DIP2C: variants seen among roughly 807,000 people sequenced by gnomAD.
DIP2C encodes DIP2 acetate--CoA ligase C (putative).
A neutral mutation model predicts 192.4 loss-of-function variants in DIP2C; 33 were observed. The observed-to-expected ratio is 0.17, with a 90% CI of 0.13 to 0.23. The LOEUF (loss-of-function observed/expected upper bound fraction) is 0.23. Ranked by LOEUF, DIP2C falls within the 10% of genes least tolerant of loss-of-function variation. DIP2C has a pLI of 1.00. For synonymous variants in DIP2C, 979 were observed against 864.1 expected, an observed-to-expected ratio of 1.13 and a Z score of -2.33; for missense variants, 1,537 against 2,110.1, an observed-to-expected ratio of 0.73 and a Z score of 5.32.
At chr10:678,115 C>T (rs1010157326) in intron 1 of DIP2C, among the ~76,000 whole-genome samples, 1 of 152,240 alleles carries the variant, frequency 6.6e-6, no homozygotes, top group South Asian at 2.1e-4. Context: ...TGCTCTTCAT[C>T]ATCCCCGAGC....
At chr10:294,432 C>T (rs1490392791) in intron 32 of DIP2C, among the ~76,000 whole-genome samples, 2 of 152,056 alleles carry the variant, frequency 1.3e-5, no homozygotes, top group East Asian at 1.9e-4. Flanking sequence ...TGTGGCGAGA[C>T]CCCATCTCTA....
chr10:320,823 T>C (rs1358305554), intron 31 of DIP2C, among the ~76,000 whole-genome samples: 2 of 152,066 alleles, frequency 1.3e-5, no homozygotes, highest in Non-Finnish European at 2.9e-5. Flanking sequence ...AGAAGCGACA[T>C]GGACATGGTG....
intron 1 of DIP2C, among the ~76,000 whole-genome samples, chr10:568,482 T>G (rs941563276): frequency 2.6e-5 from 4 of 152,048 alleles, no homozygotes; most frequent in African/African-American, 9.7e-5. Context: ...AAAACTTCAC[T>G]TGAGGCCGGG....
chr10:527,915 C>G (rs957187807), intron 1 of DIP2C, among the ~76,000 whole-genome samples: 3 of 152,194 alleles, frequency 2.0e-5, no homozygotes, highest in African/African-American at 4.8e-5. Context: ...CTCCAGGCCA[C>G]GGCTACACTT....
chr10:513,124 ATTT>A (rs1289273014), intron 1 of DIP2C, among the ~76,000 whole-genome samples: 1 of 152,056 alleles, frequency 6.6e-6, no homozygotes, highest in East Asian at 1.9e-4. Context: ...GCTACATTAT[ATTT>A]TTTAAGCATC....
intron 1 of DIP2C, among the ~76,000 whole-genome samples, chr10:494,678 A>G (rs1191612184): frequency 6.6e-6 from 1 of 152,228 alleles, no homozygotes; most frequent in Non-Finnish European, 1.5e-5. Flanking sequence ...AGGTGTAGTG[A>G]GCAGTCACGC....
intron 1 of DIP2C, among the ~76,000 whole-genome samples, chr10:541,914 G>A (rs778910039): frequency 2.0e-5 from 3 of 152,168 alleles, no homozygotes; most frequent in Admixed American, 6.5e-5. Flanking sequence ...GTCGGGTCAA[G>A]CACCAACAAT....
intron 1 of DIP2C, among the ~76,000 whole-genome samples, chr10:684,326 A>T (rs1183584135): frequency 6.6e-6 from 1 of 152,210 alleles, no homozygotes; most frequent in Non-Finnish European, 1.5e-5. Flanking sequence ...ATCTGTGACG[A>T]CTTGATACTT....
At chr10:376,298 C>T (rs1202182258) in intron 17 of DIP2C, among the ~76,000 whole-genome samples, 1 of 141,324 alleles carries the variant, frequency 7.1e-6, no homozygotes, top group South Asian at 2.2e-4. Flanking sequence ...CCTCGGCCCC[C>T]GACGGAGCCG....
chr10:662,353 G>A (rs17136375), intron 1 of DIP2C, among the ~76,000 whole-genome samples: 14,758 of 152,264 alleles, frequency 0.097, 983 homozygotes, highest in African/African-American at 0.19. Context: ...CGCGGACAAA[G>A]TGAGAACTAC....
intron 32 of DIP2C, among the ~76,000 whole-genome samples, chr10:307,460 G>A (rs1457922226): frequency 1.3e-5 from 2 of 152,200 alleles, no homozygotes; most frequent in African/African-American, 2.4e-5. Flanking sequence ...GGGCTTTGGG[G>A]CTGGCTTGGA....
intron 1 of DIP2C, among the ~76,000 whole-genome samples, chr10:497,908 G>C (rs1844960229): frequency 6.6e-6 from 1 of 152,216 alleles, no homozygotes; most frequent in Non-Finnish European, 1.5e-5. Flanking sequence ...GTCTGCCTCT[G>C]TTGCCTGTGC....
intron 1 of DIP2C, chr10:665,993 TAAC>T (rs2132109819): frequency 6.6e-6 from 1 of 152,228 alleles, no homozygotes; most frequent in Non-Finnish European, 1.5e-5. Context: ...TGGGGTGCTC[TAAC>T]TTCTCAGCGC....
chr10:499,683 A>T lies in DIP2C; in HGVS notation c.86-13153T>A, dbSNP rs1005425820. 2.6e-5 allele frequency among the ~76,000 whole-genome samples: 4 copies of T among 152,222 alleles called. No individual in the cohort carries two copies. The South Asian group carries it at 8.3e-4, about 32-fold the overall frequency. ...CCAATCGCGAGGACAGCATAGGGGA[A>T]TCCACCCCCAGGATCCAATCACCTC... On this transcript the variant is annotated intron_variant, in intron 1 of 36. Coordinates refer to ENST00000280886, the MANE Select transcript of DIP2C (RefSeq NM_014974.3).
intron 4 of DIP2C, among the ~76,000 whole-genome samples, chr10:435,137 G>A (rs1054764885): frequency 4.6e-5 from 7 of 152,024 alleles, no homozygotes; most frequent in South Asian, 2.1e-4. Flanking sequence ...TTCTGTAGTC[G>A]TCCCATAGTG....
chr10:661,049 G>A (rs1856727892), intron 1 of DIP2C, among the ~76,000 whole-genome samples: 2 of 152,210 alleles, frequency 1.3e-5, no homozygotes, highest in African/African-American at 2.4e-5. Context: ...TGCTGGTTGA[G>A]GCTTTTCTGC....
intron 26 of DIP2C, among the ~76,000 whole-genome samples, chr10:347,900 C>T (rs1245719069): frequency 7.6e-5 from 11 of 144,360 alleles, no homozygotes; most frequent in Admixed American, 2.1e-4. Flanking sequence ...CGCACCCAGA[C>T]GCGTCGCGCA....
At chr10:449,898 A>G (rs2133323698) in intron 3 of DIP2C, among the ~76,000 whole-genome samples, 1 of 146,890 alleles carries the variant, frequency 6.8e-6, no homozygotes. Context: ...GTGCCAAATA[A>G]AGATGTTTCA....
chr10:574,083 T>C (rs1313368433), intron 1 of DIP2C, among the ~76,000 whole-genome samples: 1 of 152,236 alleles, frequency 6.6e-6, no homozygotes, highest in African/African-American at 2.4e-5. Context: ...TTTTAAAACT[T>C]CAATGCTTTT....
Sources: allele counts gnomAD v4.1 joint callset (sites outside exome capture counted in the v4.1 genomes callset), GRCh38; gene constraint gnomAD v4.1.1; transcripts MANE v1.5; gene names NCBI Gene and HGNC (gene_info 2026-07-23, HGNC 2026-07-21).